The following CPSF3 variants were observed in gnomAD, a reference collection of about 807,000 sequenced individuals.
The protein encoded by CPSF3 is cleavage and polyadenylation specificity factor subunit 3.
A neutral mutation model predicts 84.1 loss-of-function variants in CPSF3; 57 were observed. That is an observed-to-expected ratio of 0.68 (90% confidence interval 0.55 to 0.85). The LOEUF (loss-of-function observed/expected upper bound fraction) is 0.85, where lower values mean the gene tolerates loss of function less well. Among genes scored for constraint, CPSF3 ranks in the 40% least tolerant of loss-of-function variants. The pLI is 0.00. For missense variants in CPSF3, 522 were observed against 838.8 expected, an observed-to-expected ratio of 0.62 and a Z score of 4.66; for synonymous variants, 275 against 278.1, an observed-to-expected ratio of 0.99 and a Z score of 0.11.
At chr2:9,461,027 T>C (rs1013390573) in intron 15 of CPSF3, among the ~76,000 whole-genome samples, 1 of 152,264 alleles carries the variant, frequency 6.6e-6, no homozygotes, top group Non-Finnish European at 1.5e-5. Context: ...CAGACTACTT[T>C]GTAATTCATT....
rs1167878400 is a variant in CPSF3, at chr2:9,448,370, G to A, written c.1395+20G>A. The A allele has an allele frequency of 1.3e-6, 2 of 1,591,002 alleles. No homozygotes were observed. The highest frequency in any genetic ancestry group is 1.3e-5 in the African/African-American group (1 of 74,170). On this transcript the variant is annotated intron_variant, in intron 11 of 17. Coordinates refer to ENST00000238112, the MANE Select transcript of CPSF3 (RefSeq NM_016207.4). ...GCCAAGGTAAAAGGTTATGGTTCCT[G>A]TCTGTCCAATCCATGTTTTTTCTTC...
rs766236414 is a variant in CPSF3 at position 9,453,021 on chromosome 2, A to C, written c.1504A>C (p.Asn502His). 2.8e-5 allele frequency: 43 copies of C among 1,562,492 alleles called. No individual in the cohort carries two copies. Among genetic ancestry groups the C allele is most frequent in the Admixed American group, 3.7e-5 (2 of 54,276 alleles). The change falls in exon 12 of 18, where the codon AAT (asparagine) becomes CAT (histidine). Residue 502 changes from asparagine (N) to histidine (H), a missense_variant and splice_region_variant. Physicochemically the swap from Asn to His is moderately conservative, Grantham distance 68 (BLOSUM62 1). Transcript: ENST00000238112. ...CATACTTTCTCCTTGCGACCTGTCC[A>C]GTAAGTATACTATTAAATGTCAAAT... Reference protein sequence around the residue: ...YHILSPCDLSNYTDLAMSTVK... With the variant: ...YHILSPCDLSHYTDLAMSTVK...
At chr2:9,423,904 GC>G (rs966690330) in intron 1 of CPSF3, 81 bp downstream of exon 1, 2 of 1,561,950 alleles carry the variant, frequency 1.3e-6, no homozygotes, top group African/African-American at 2.7e-5. Flanking sequence ...CTCCTCCGTC[GC>G]CCGCGCTCCC....
At chr2:9,446,503 C>G (rs904699513) in intron 10 of CPSF3, among the ~76,000 whole-genome samples, 1 of 151,228 alleles carries the variant, frequency 6.6e-6, no homozygotes, top group Non-Finnish European at 1.5e-5. Flanking sequence ...ATGGCGTGAA[C>G]CTGGGAGGCG....
intron 14 of CPSF3, among the ~76,000 whole-genome samples, chr2:9,457,873 C>T (rs1681585982): frequency 6.6e-6 from 1 of 152,062 alleles, no homozygotes; most frequent in South Asian, 2.1e-4. Flanking sequence ...CTGCCTCAGC[C>T]TCCTGACTAG....
chr2:9,427,982 T>C (rs1207643980), intron 1 of CPSF3, among the ~76,000 whole-genome samples: 13 of 150,928 alleles, frequency 8.6e-5, no homozygotes, highest in African/African-American at 3.0e-4. Flanking sequence ...TGAATAAGTA[T>C]TTTAAAAAAA....
intron 15 of CPSF3, among the ~76,000 whole-genome samples, chr2:9,460,626 C>T (rs1681698758): frequency 6.6e-6 from 1 of 150,554 alleles, no homozygotes; most frequent in Non-Finnish European, 1.5e-5. Flanking sequence ...TTCTTTGATT[C>T]TATTTTATAC....
At chr2:9,449,404 T>G (rs1681240035) in intron 11 of CPSF3, among the ~76,000 whole-genome samples, 1 of 151,654 alleles carries the variant, frequency 6.6e-6, no homozygotes, top group South Asian at 2.1e-4. Context: ...CCAGCCTGAG[T>G]GACAGAGTGA....
At chr2:9,446,024 A>G (rs1350249099) in intron 10 of CPSF3, among the ~76,000 whole-genome samples, 1 of 152,240 alleles carries the variant, frequency 6.6e-6, no homozygotes, top group Non-Finnish European at 1.5e-5. Flanking sequence ...TCAAGGTTAC[A>G]CAGCTTAAAT....
At chr2:9,450,084 C>T (rs954225335) in intron 11 of CPSF3, among the ~76,000 whole-genome samples, 1 of 151,648 alleles carries the variant, frequency 6.6e-6, no homozygotes, top group Non-Finnish European at 1.5e-5. Context: ...GCAGCCTCGA[C>T]CTCCCTAGGC....
chr2:9,426,875 C>CAAAAA (rs61487619), intron 1 of CPSF3, among the ~76,000 whole-genome samples: 1,773 of 131,106 alleles, frequency 0.014, 44 homozygotes, highest in African/African-American at 0.038. Context: ...GACCTTGTCT[C>CAAAAA]AAAAAAAAAA....
Position 9,430,804 on chromosome 2 carries a change from T to G in CPSF3, c.265T>G (p.Phe89Val). The part of the protein sequence containing the change: ...ALPWFLQKTS[F>V]KGRTFMTHAT... The stretch of plus-strand genomic sequence containing the variant: ...GCCCTGGTTTCTACAGAAGACAAGT[T>G]TCAAAGGAAGAACATTTATGACTCA... Residue 89 changes from phenylalanine to valine, a missense_variant, in exon 4 of 18, where the codon TTC (phenylalanine) becomes GTC (valine). Around this residue, in one of 2 missense-constraint regions of CPSF3, gnomAD observed 329 missense variants for 607.2 expected, o/e 0.54. Transcript: ENST00000238112. 1.2e-6 allele frequency: 2 copies of G among 1,613,714 alleles called. No individual in the cohort carries two copies. Among genetic ancestry groups the G allele is most frequent in the Non-Finnish European group, 1.7e-6 (2 of 1,179,630 alleles).
Position 9,452,933 on chromosome 2 carries a change from C to CA in CPSF3, c.1422dup (p.Pro475ThrfsTer13). On this transcript the variant is annotated frameshift_variant, in exon 12 of 18. Transcript: ENST00000238112. LOFTEE classifies it high-confidence loss of function. ...TACAGGTTATGGGATTTTTAGCAGA[C>CA]AAAAAACCAGAACAAGGCCAGCGGG... is the stretch of plus-strand genomic sequence containing the variant. The CA allele has an allele frequency of 1.9e-6, 3 of 1,601,474 alleles. No individual in the cohort carries two copies. The highest frequency in any genetic ancestry group is 2.5e-6 in the Non-Finnish European group (3 of 1,176,690).
At chr2:9,462,975 G>A (rs1014160287) in intron 15 of CPSF3, among the ~76,000 whole-genome samples, 1 of 152,210 alleles carries the variant, frequency 6.6e-6, no homozygotes, top group Non-Finnish European at 1.5e-5. Context: ...GGATGATGAA[G>A]TGTTTGCATA....
chr2:9,454,234 C>T (rs943755373), intron 12 of CPSF3, among the ~76,000 whole-genome samples: 1 of 151,852 alleles, frequency 6.6e-6, no homozygotes, highest in Non-Finnish European at 1.5e-5. Context: ...GTGGTAAAAC[C>T]CCATCTCTAC....
chr2:9,459,422 A>AATCT (rs1051266926), intron 14 of CPSF3, 109 bp from the exon 15 acceptor site: 14 of 730,372 alleles, frequency 1.9e-5, no homozygotes, highest in Non-Finnish European at 3.5e-5. Flanking sequence ...AAAATGCTAG[A>AATCT]AGCAGTAGTT....
intron 5 of CPSF3, 34 bp from the exon 6 acceptor site, chr2:9,433,828 GCCTTCCCCA>G (rs761479204): frequency 6.4e-5 from 87 of 1,358,890 alleles, no homozygotes; most frequent in Non-Finnish European, 8.9e-5. Context: ...GCAAAATGAA[GCCTTCCCCA>G]AATCCTAACT....
Position 9,471,407 on chromosome 2 carries a change from G to T in CPSF3, c.1921G>T (p.Gly641Trp), listed in dbSNP as rs146155720. 6.2e-7 allele frequency: 1 copy of T among 1,611,462 alleles called. No individual in the cohort carries two copies. The highest frequency in any genetic ancestry group is 1.1e-5 in the South Asian group (1 of 91,022). ...DDSILSVTVD[G>W]KTANLNLETR... ...CTCTATTCTTAGCGTCACAGTGGACGGGAAAACTGCCAACCTTAACTTGGA... is the reference window on the plus strand; with the variant it reads ...CTCTATTCTTAGCGTCACAGTGGACTGGAAAACTGCCAACCTTAACTTGGA... Residue 641 changes from glycine to tryptophan, a missense_variant, in exon 17 of 18, where the codon GGG (glycine) becomes TGG (tryptophan). Transcript: ENST00000238112.
chr2:9,453,674 C>T (rs546175690), intron 12 of CPSF3, among the ~76,000 whole-genome samples: 12 of 152,198 alleles, frequency 7.9e-5, no homozygotes, highest in Non-Finnish European at 1.2e-4. Context: ...AGGTGGATCA[C>T]GAGGTCAAGA....
Sources: gnomAD v4.1 joint callset for allele counts (sites outside exome capture counted in the v4.1 genomes callset) on GRCh38, gnomAD v4.1.1 for gene constraint, gnomAD v4.1.1 regional missense constraint, MANE v1.5 for transcripts, NCBI Gene and HGNC (gene_info 2026-07-23, HGNC 2026-07-21) for gene names.